Variants in KCTD16 observed in about 807,000 individuals in gnomAD.
The protein encoded by KCTD16 is BTB/POZ domain-containing protein KCTD16.
Under a neutral mutation model 33.2 loss-of-function variants are expected in KCTD16, and 13 were observed. The observed-to-expected ratio is 0.39, with a 90% CI of 0.25 to 0.62. The LOEUF (loss-of-function observed/expected upper bound fraction) is 0.62. KCTD16 is among the 20% of genes least tolerant of loss of function. The pLI is 0.50. For missense variants in KCTD16, 441 were observed against 525.1 expected (o/e 0.84, Z 1.57); for synonymous variants, 197 against 195.3 (o/e 1.01, Z -0.07).
intron 3 of KCTD16, among the ~76,000 whole-genome samples, chr5:144,324,899 G>A (rs1366884968): frequency 6.6e-6 from 1 of 152,150 alleles, no homozygotes; most frequent in Middle Eastern, 3.2e-3. Flanking sequence ...ACACAGGGAA[G>A]GGAACAACAC....
intron 3 of KCTD16, among the ~76,000 whole-genome samples, chr5:144,401,772 G>A (rs112668433): frequency 0.013 from 1,949 of 152,326 alleles, 39 homozygotes; most frequent in African/African-American, 0.045. Flanking sequence ...TAAGTCTACA[G>A]TGCTTTATAA....
chr5:144,415,101 C>T (rs536826857), intron 3 of KCTD16, among the ~76,000 whole-genome samples: 2 of 152,134 alleles, frequency 1.3e-5, no homozygotes, highest in Admixed American at 6.5e-5. Context: ...TGATGAGGGC[C>T]TTCTTGCTGT....
intron 3 of KCTD16, among the ~76,000 whole-genome samples, chr5:144,357,407 C>G (rs1333040565): frequency 1.2e-4 from 18 of 152,036 alleles, no homozygotes; most frequent in Admixed American, 1.2e-3. Flanking sequence ...TAATCTTAGG[C>G]GATGTAGGAT....
At chr5:144,257,776 C>T (rs904852836) in intron 3 of KCTD16, among the ~76,000 whole-genome samples, 2 of 152,130 alleles carry the variant, frequency 1.3e-5, no homozygotes, top group Non-Finnish European at 1.5e-5. Flanking sequence ...CGTGAGCCAC[C>T]GTGCCTGGCC....
chr5:144,240,012 C>T (rs1488182336), intron 3 of KCTD16, among the ~76,000 whole-genome samples: 4 of 152,092 alleles, frequency 2.6e-5, no homozygotes, highest in Non-Finnish European at 5.9e-5. Flanking sequence ...AAGATCTTTA[C>T]CTGGATTACC....
intron 3 of KCTD16, among the ~76,000 whole-genome samples, chr5:144,363,366 A>ATG (rs10692434): frequency 0.02 from 2,969 of 151,790 alleles, 100 homozygotes; most frequent in African/African-American, 0.067. Flanking sequence ...TGTTTTTTGT[A>ATG]TGTGTGTGTG....
chr5:144,418,108 T>G (rs759175207), intron 3 of KCTD16, among the ~76,000 whole-genome samples: 2 of 152,090 alleles, frequency 1.3e-5, no homozygotes, highest in Admixed American at 1.3e-4. Flanking sequence ...TTCCTCCTGG[T>G]GGGTTGGTAG....
At chr5:144,328,270 A>G (rs1340177971) in intron 3 of KCTD16, among the ~76,000 whole-genome samples, 1 of 152,090 alleles carries the variant, frequency 6.6e-6, no homozygotes, top group African/African-American at 2.4e-5. Context: ...TTAATATGAT[A>G]CTCAGACAAG....
In KCTD16 at chr5:144,181,317, AAAAAC is replaced by A. The variant is rs1015707217; in HGVS notation, c.-327+6864_-327+6868del. ...ACCACTTCTCAATGGGATGTAATTG[AAAAAC>A]AAAACAAAACAAAACAAAGAATAGT... is the stretch of plus-strand genomic sequence containing the variant. On this transcript the variant is annotated intron_variant, in intron 2 of 3. Transcript: ENST00000512467. 4.9e-4 allele frequency among the ~76,000 whole-genome samples: 75 copies of A among 152,336 alleles called. 1 individual carries two copies. Among genetic ancestry groups the A allele is most frequent in the African/African-American group, 1.5e-3 (61 of 41,574 alleles).
chr5:144,322,712 G>A (rs1284044786), intron 3 of KCTD16, among the ~76,000 whole-genome samples: 3 of 148,334 alleles, frequency 2.0e-5, no homozygotes, highest in Non-Finnish European at 4.4e-5. Flanking sequence ...AACAACAAAA[G>A]GACATAAACT....
At chr5:144,452,123 A>G (rs1411725825) in intron 3 of KCTD16, among the ~76,000 whole-genome samples, 1 of 144,334 alleles carries the variant, frequency 6.9e-6, no homozygotes, top group African/African-American at 2.8e-5. Flanking sequence ...GCTGCTCCCA[A>G]AACACATTAA....
chr5:144,275,071 T>C (rs1009354876), intron 3 of KCTD16, among the ~76,000 whole-genome samples: 18 of 152,214 alleles, frequency 1.2e-4, no homozygotes, highest in African/African-American at 3.9e-4. Flanking sequence ...TAAAGATTTC[T>C]GGAAGTTCTC....
chr5:144,227,609 A>T (rs1753974433), intron 3 of KCTD16, among the ~76,000 whole-genome samples: 1 of 152,226 alleles, frequency 6.6e-6, no homozygotes, highest in Non-Finnish European at 1.5e-5. Context: ...TTTGACATAT[A>T]TTTTAACAAG....
rs1755691987 is a variant in KCTD16 at position 144,284,548 on chromosome 5, G to A, written c.832+77002G>A. Among the ~76,000 whole-genome samples, 3 of 152,266 alleles carry A rather than the reference G, an allele frequency of 2.0e-5. No homozygotes were observed. In the East Asian group the frequency reaches 5.8e-4, roughly 29 times the overall value. Reference sequence around the variant, plus strand: ...TGAGTTTTTGTAGTCATTGATTTTAGCACTGACATGTATAGTAAATGCCAT... The same window carrying A: ...TGAGTTTTTGTAGTCATTGATTTTAACACTGACATGTATAGTAAATGCCAT... On this transcript the variant is annotated intron_variant, in intron 3 of 3. Transcript: ENST00000512467.
In KCTD16 at chr5:144,399,772, C is replaced by T. The variant is rs1187738845; in HGVS notation, c.833-73888C>T. ...TCATCTCATTTTCTCATCCTCTGCC[C>T]TTCTGGAACCAAAGCAGTTCTGCCT... is the stretch of plus-strand genomic sequence containing the variant. On this transcript the variant is annotated intron_variant, in intron 3 of 3. Transcript: ENST00000512467. Among the ~76,000 whole-genome samples the T allele has an allele frequency of 3.9e-5, 6 of 152,118 alleles. 1 individual carries two copies. The highest frequency in any genetic ancestry group is 8.8e-5 in the Non-Finnish European group (6 of 68,026).
At chr5:144,341,343 C>G (rs1752637342) in intron 3 of KCTD16, among the ~76,000 whole-genome samples, 1 of 152,092 alleles carries the variant, frequency 6.6e-6, no homozygotes, top group African/African-American at 2.4e-5. Context: ...TGGGGAGAAA[C>G]AGTGTTTTCC....
At position 144,212,034 on chromosome 5, in the gene KCTD16, T is replaced by G. The variant is rs554111719; in HGVS notation, c.832+4488T>G. ...TGTACATAAGAGCACTTTTAATAGT[T>G]GTGGATCAGGCATCCTTTTACCTTG... On this transcript the variant is annotated intron_variant, in intron 3 of 3. Coordinates refer to ENST00000512467, the MANE Select transcript of KCTD16 (RefSeq NM_020768.4). Among the ~76,000 whole-genome samples the G allele has an allele frequency of 1.1e-4, 16 of 152,264 alleles. No homozygotes were observed. The South Asian group carries it at 1.9e-3, about 18-fold the overall frequency.
At chr5:144,409,766 G>A (rs1017524177) in intron 3 of KCTD16, among the ~76,000 whole-genome samples, 1 of 152,016 alleles carries the variant, frequency 6.6e-6, no homozygotes, top group Admixed American at 6.6e-5. Context: ...GCAGTGAGCC[G>A]AGATCATGCC....
chr5:144,207,567 T>C, intron 3 of KCTD16, 21 bp downstream of exon 3: 1 of 1,539,620 alleles, frequency 6.5e-7, no homozygotes, highest in Non-Finnish European at 8.9e-7. Context: ...AGGGTTGTTT[T>C]AATTTTTTAT....
Sources: allele counts gnomAD v4.1 joint callset (sites outside exome capture counted in the v4.1 genomes callset), GRCh38; gene constraint gnomAD v4.1.1; transcripts MANE v1.5; gene names NCBI Gene and HGNC (gene_info 2026-07-23, HGNC 2026-07-21).